SFMBT2: variants seen among roughly 807,000 people sequenced by gnomAD.
SFMBT2 encodes Scm like with four mbt domains 2.
Under a neutral mutation model 110.1 loss-of-function variants are expected in SFMBT2, and 38 were observed. The ratio of observed to expected loss-of-function variants is 0.35; its 90% confidence interval spans 0.27 to 0.45. The LOEUF is 0.45. Ranked by LOEUF, SFMBT2 falls within the 20% of genes least tolerant of loss-of-function variation. SFMBT2 has a pLI of 1.00. For missense variants in SFMBT2, 1,011 were observed against 1,094.9 expected (o/e 0.92, Z 1.08); for synonymous variants, 425 against 425.4 (o/e 1.00, Z 0.01).
intron 16 of SFMBT2, among the ~76,000 whole-genome samples, chr10:7,186,425 T>TACAC (rs780362808): frequency 2.4e-4 from 26 of 109,388 alleles, no homozygotes; most frequent in East Asian, 8.7e-4. Flanking sequence ...ATACTATATA[T>TACAC]ACACACACAC....
At chr10:7,322,102 C>A (rs114139810) in intron 4 of SFMBT2, among the ~76,000 whole-genome samples, 339 of 152,298 alleles carry the variant, frequency 2.2e-3, no homozygotes, top group African/African-American at 7.9e-3. Flanking sequence ...ATAATTCCCA[C>A]GTGTCCCATG....
At chr10:7,196,503 C>T (rs1004099159) in intron 15 of SFMBT2, among the ~76,000 whole-genome samples, 8 of 152,210 alleles carry the variant, frequency 5.3e-5, no homozygotes, top group African/African-American at 1.7e-4. Context: ...CACTGTGTTC[C>T]TGCCTCTCTC....
Position 7,172,457 on chromosome 10 carries a change from A to G in SFMBT2, c.2151+38T>C. The G allele has an allele frequency of 6.2e-7, 1 of 1,612,452 alleles. No homozygotes were observed. Among genetic ancestry groups the G allele is most frequent in the South Asian group, 1.1e-5 (1 of 90,964 alleles). ...CACTTGCCGGCCAGGGCCAGATGAC[A>G]GAGCTACAGGCTGGCAGGTGCCCCG... On this transcript the variant is annotated intron_variant, in intron 18 of 20. Coordinates refer to ENST00000397167, the MANE Select transcript of SFMBT2 (RefSeq NM_001387889.1). This position sits in a 1 kb window ranked among gnomAD's most constrained non-coding sequence, Gnocchi z 4.6.
chr10:7,208,237 C>T lies in SFMBT2; in HGVS notation c.1331-2309G>A, dbSNP rs544651184. 9.6e-4 allele frequency among the ~76,000 whole-genome samples: 146 copies of T among 152,200 alleles called. 1 individual carries two copies. The highest frequency in any genetic ancestry group is 6.8e-3 in the Middle Eastern group (2 of 294). On this transcript the variant is annotated intron_variant, in intron 11 of 20. Transcript: ENST00000397167. ...CCCAGAGTCCAATAAAGCAGGTCCC[C>T]GGGCAGGTTCCTGGTACACAAGGTC...
intron 11 of SFMBT2, 155 bp from the exon 12 acceptor site, chr10:7,206,083 T>C (rs2497444): frequency 0.99 from 976,462 of 985,408 alleles, 484,315 homozygotes; most frequent in East Asian, 1. Context: ...ATGGAAGAGA[T>C]GACTTTAGAG....
At chr10:7,289,375 A>T (rs928914855) in intron 4 of SFMBT2, among the ~76,000 whole-genome samples, 88 of 152,350 alleles carry the variant, frequency 5.8e-4, no homozygotes, top group African/African-American at 2.0e-3. Flanking sequence ...GAAAATTTTT[A>T]AAATATGCAA....
At chr10:7,232,876 C>G (rs975138854) in intron 9 of SFMBT2, among the ~76,000 whole-genome samples, 5 of 152,174 alleles carry the variant, frequency 3.3e-5, no homozygotes, top group Non-Finnish European at 7.4e-5. Flanking sequence ...TACACCATGA[C>G]TGCCTCCCCT....
chr10:7,359,107 C>G (rs1685052688), intron 4 of SFMBT2, among the ~76,000 whole-genome samples: 2 of 152,202 alleles, frequency 1.3e-5, no homozygotes, highest in African/African-American at 4.8e-5. Context: ...GTCAACGAGG[C>G]AGGGTCAAGC....
chr10:7,178,486 A>G (rs7895985), intron 16 of SFMBT2, among the ~76,000 whole-genome samples: 78,436 of 152,078 alleles, frequency 0.52, 23,220 homozygotes, highest in East Asian at 0.66. Context: ...GCCATCATAT[A>G]TAAATATCAA....
intron 1 of SFMBT2, among the ~76,000 whole-genome samples, chr10:7,385,908 G>A (rs570854516): frequency 6.6e-6 from 1 of 152,242 alleles, no homozygotes; most frequent in South Asian, 2.1e-4. Context: ...ACTGAGGCAG[G>A]AGAATGGCGT....
At chr10:7,360,653 G>A (rs1183744590) in intron 4 of SFMBT2, among the ~76,000 whole-genome samples, 1 of 152,178 alleles carries the variant, frequency 6.6e-6, no homozygotes, top group Admixed American at 6.5e-5. Flanking sequence ...ATGATGTGAT[G>A]TGTAAATGAT....
intron 1 of SFMBT2, among the ~76,000 whole-genome samples, chr10:7,400,747 G>T (rs2132122949): frequency 6.6e-6 from 1 of 152,316 alleles, no homozygotes; most frequent in Non-Finnish European, 1.5e-5. Context: ...CTGGCTTGGG[G>T]CCTCCTCTGC....
intron 4 of SFMBT2, among the ~76,000 whole-genome samples, chr10:7,311,231 G>A (rs1048743109): frequency 6.6e-6 from 1 of 151,348 alleles, no homozygotes; most frequent in Non-Finnish European, 1.5e-5. Flanking sequence ...CCAGTCTATC[G>A]AGCACCTGAA....
At chr10:7,318,019 A>G (rs930228273) in intron 4 of SFMBT2, among the ~76,000 whole-genome samples, 1 of 152,252 alleles carries the variant, frequency 6.6e-6, no homozygotes, top group African/African-American at 2.4e-5. Context: ...CACCATCTTA[A>G]GGAAGAAATG....
At position 7,163,523 on chromosome 10, in the gene SFMBT2, GGCCC is replaced by G; in HGVS notation, c.*243_*246del. On this transcript the variant is annotated 3_prime_UTR_variant, in exon 21 of 21. Coordinates refer to ENST00000397167, the MANE Select transcript of SFMBT2 (RefSeq NM_001387889.1). The surrounding 1 kb of genome is among the most constrained non-coding windows in gnomAD (Gnocchi z 4.8). Reference sequence around the variant, plus strand: ...CAAAACGTGGGTGAGCCAAGAAGCAGGCCCACGTCTGGCAGGGTCTGATGCATGA... The same window carrying G: ...CAAAACGTGGGTGAGCCAAGAAGCAGACGTCTGGCAGGGTCTGATGCATGA... 1 of 427,156 alleles carries G rather than the reference GGCCC, an allele frequency of 2.3e-6. No individual in the cohort carries two copies. 26.5% of individuals were successfully genotyped at this position (427,156 alleles called of 1,614,324 possible).
rs116396577 is a variant in SFMBT2, at chr10:7,271,785, G to A, written c.870+5107C>T. Among the ~76,000 whole-genome samples the A allele has an allele frequency of 8.5e-3, 1,297 of 152,272 alleles. 20 individuals carry two copies. Among genetic ancestry groups the A allele is most frequent in the African/African-American group, 0.03 (1,243 of 41,532 alleles). On this transcript the variant is annotated intron_variant, in intron 7 of 20. Transcript: ENST00000397167. ...AATCATAGTGGAAAATGAAAGGCAC[G>A]TCTCACATGGCAGCAGACAAGAGAA...
intron 1 of SFMBT2, among the ~76,000 whole-genome samples, chr10:7,395,716 T>A (rs75721447): frequency 3.3e-5 from 5 of 150,740 alleles, no homozygotes; most frequent in Non-Finnish European, 5.9e-5. Context: ...TTTTTTTTTT[T>A]AATGCTTGTA....
chr10:7,374,105 T>C (rs140729468), intron 2 of SFMBT2, among the ~76,000 whole-genome samples: 37 of 152,164 alleles, frequency 2.4e-4, no homozygotes, highest in Admixed American at 9.8e-4. Context: ...CTACTAAAAA[T>C]ACACCAATTA....
At position 7,314,030 on chromosome 10, in the gene SFMBT2, C is replaced by A. The variant is rs9919387; in HGVS notation, c.437-28076G>T. 7.3e-3 allele frequency among the ~76,000 whole-genome samples: 1,112 copies of A among 152,258 alleles called. 17 individuals are homozygous for A. Among genetic ancestry groups the A allele is most frequent in the African/African-American group, 0.025 (1,057 of 41,538 alleles). ...TTTATCTACATGCTATTTTCATTTC[C>A]AAGTTACTTTTGTCATTTTTTAAAA... On this transcript the variant is annotated intron_variant, in intron 4 of 20. Transcript: ENST00000397167.
Sources: gnomAD v4.1 joint callset for allele counts (sites outside exome capture counted in the v4.1 genomes callset) on GRCh38, gnomAD v4.1.1 for gene constraint, Gnocchi (gnomAD v3.1) non-coding constraint, MANE v1.5 for transcripts, NCBI Gene and HGNC (gene_info 2026-07-23, HGNC 2026-07-21) for gene names.